The following FHL5 variants were observed in gnomAD, a reference collection of about 807,000 sequenced individuals.
The protein encoded by FHL5 is four and a half LIM domains protein 5.
Under a neutral mutation model 32.0 loss-of-function variants are expected in FHL5, and 33 were observed. The ratio of observed to expected loss-of-function variants is 1.03; its 90% CI spans 0.78 to 1.38. The LOEUF is 1.38. Ranked by LOEUF, FHL5 falls within the 40% of genes most tolerant of loss-of-function variation. FHL5 has a pLI of 0.00. For synonymous variants in FHL5, 114 were observed against 113.6 expected, an observed-to-expected ratio of 1.00 and a Z score of -0.02; for missense variants, 336 against 343.9, an observed-to-expected ratio of 0.98 and a Z score of 0.18.
At chr6:96,613,974 C>T (rs1485235944) in intron 5 of FHL5, among the ~76,000 whole-genome samples, 3 of 152,124 alleles carry the variant, frequency 2.0e-5, no homozygotes. Flanking sequence ...ACCTATGAAA[C>T]CAGATAACAC....
chr6:96,586,113 C>G (rs140614351), intron 1 of FHL5, among the ~76,000 whole-genome samples: 19 of 152,278 alleles, frequency 1.2e-4, no homozygotes, highest in Admixed American at 4.6e-4. Context: ...CACTCATCTG[C>G]TCAATTCACA....
At chr6:96,588,422 C>T (rs971431289) in intron 1 of FHL5, among the ~76,000 whole-genome samples, 2 of 152,142 alleles carry the variant, frequency 1.3e-5, no homozygotes, top group African/African-American at 4.8e-5. Flanking sequence ...GTTGGTCAGG[C>T]TGGTCCTGAC....
chr6:96,603,396 G>C (rs1248818875), intron 1 of FHL5, among the ~76,000 whole-genome samples: 3 of 151,830 alleles, frequency 2.0e-5, no homozygotes, highest in Non-Finnish European at 4.4e-5. Context: ...AAACATACAG[G>C]GAACTGCCAA....
At chr6:96,570,351 A>G (rs1328561954) in intron 1 of FHL5, among the ~76,000 whole-genome samples, 3 of 152,040 alleles carry the variant, frequency 2.0e-5, no homozygotes, top group African/African-American at 7.2e-5. Flanking sequence ...TTACTAGTCT[A>G]ATGCAGTTCT....
intron 1 of FHL5, among the ~76,000 whole-genome samples, chr6:96,571,763 C>T (rs1034559130): frequency 1.3e-5 from 2 of 152,116 alleles, no homozygotes; most frequent in African/African-American, 4.8e-5. Flanking sequence ...CAGGGTATGG[C>T]TGCAATTCAG....
rs1771375070 is a variant in FHL5 at position 96,610,463 on chromosome 6, C to CT, written c.505-104dup. 6.2e-5 allele frequency: 47 copies of CT among 757,420 alleles called. 1 individual carries two copies. In the South Asian group the frequency reaches 1.0e-3, roughly 16 times the overall value. 46.9% of individuals were successfully genotyped at this position (757,420 alleles called of 1,614,324 possible). On this transcript the variant is annotated intron_variant, in intron 4 of 5. Coordinates refer to ENST00000450218, the MANE Select transcript of FHL5 (RefSeq NM_001322466.2). ...AGACATGAAATGATCTTTTTTTTTT[C>CT]TTTTTGCTTCCTTTTCTCCCCAGAG...
intron 1 of FHL5, among the ~76,000 whole-genome samples, chr6:96,586,205 C>T (rs1770794286): frequency 6.6e-6 from 1 of 152,092 alleles, no homozygotes; most frequent in African/African-American, 2.4e-5. Flanking sequence ...AAAAATAATC[C>T]AAATGGATGT....
intron 5 of FHL5, among the ~76,000 whole-genome samples, chr6:96,613,296 G>C (rs61004809): frequency 0.028 from 4,244 of 152,240 alleles, 170 homozygotes; most frequent in African/African-American, 0.098. Flanking sequence ...AAATCACCAA[G>C]TGTAATTTTT....
intron 5 of FHL5, among the ~76,000 whole-genome samples, chr6:96,611,534 C>T (rs1356131384): frequency 6.6e-6 from 1 of 152,170 alleles, no homozygotes; most frequent in Non-Finnish European, 1.5e-5. Flanking sequence ...AACTCAGCAG[C>T]TATTCTTTCT....
chr6:96,587,641 C>T (rs898686782), intron 1 of FHL5, among the ~76,000 whole-genome samples: 1 of 152,204 alleles, frequency 6.6e-6, no homozygotes, highest in South Asian at 2.1e-4. Context: ...AAGAAAACAT[C>T]CCCTTTATAT....
At chr6:96,602,422 G>GTTTTTTTTTT in intron 1 of FHL5, among the ~76,000 whole-genome samples, 1 of 26,584 alleles carries the variant, frequency 3.8e-5, no homozygotes, top group Non-Finnish European at 8.2e-5. Context: ...TATATGCGTT[G>GTTTTTTTTTT]TTTCTTTTTT....
intron 1 of FHL5, among the ~76,000 whole-genome samples, chr6:96,584,813 T>C (rs940966335): frequency 6.6e-6 from 1 of 152,126 alleles, no homozygotes; most frequent in East Asian, 1.9e-4. Flanking sequence ...CCACCAGATA[T>C]GTGAGGAAAG....
rs115758360 is a variant in FHL5, at chr6:96,569,305, T to C, written c.-13+5950T>C. 7.9e-3 allele frequency among the ~76,000 whole-genome samples: 1,206 copies of C among 152,062 alleles called. 18 individuals are homozygous for C. Among genetic ancestry groups the C allele is most frequent in the African/African-American group, 0.028 (1,154 of 41,546 alleles). On this transcript the variant is annotated intron_variant, in intron 1 of 5. Transcript: ENST00000450218. The stretch of plus-strand genomic sequence containing the variant: ...GTTTTATTATATTGTGGTCAAAAAT[T>C]GATATGATTTCTATTAAATTTGTTA...
intron 4 of FHL5, 140 bp downstream of exon 4, chr6:96,606,211 C>A: frequency 1.6e-6 from 1 of 608,258 alleles, no homozygotes; most frequent in Non-Finnish European, 2.8e-6. Context: ...TCAACATGTC[C>A]AAACCACTAG....
chr6:96,602,422 G>GTTTTTTTTT (rs1562062430), intron 1 of FHL5, among the ~76,000 whole-genome samples: 1 of 26,584 alleles, frequency 3.8e-5, no homozygotes. Context: ...TATATGCGTT[G>GTTTTTTTTT]TTTCTTTTTT....
At chr6:96,580,718 A>C (rs1375520150) in intron 1 of FHL5, among the ~76,000 whole-genome samples, 1 of 152,208 alleles carries the variant, frequency 6.6e-6, no homozygotes, top group African/African-American at 2.4e-5. Flanking sequence ...ATAATCTCAG[A>C]AAAGAATTAT....
chr6:96,592,258 G>T (rs1167081422), intron 1 of FHL5, among the ~76,000 whole-genome samples: 1 of 152,096 alleles, frequency 6.6e-6, no homozygotes. Flanking sequence ...CATTGTAGAG[G>T]CCCACCCTCA....
At chr6:96,568,255 TTTG>T (rs1447892020) in intron 1 of FHL5, among the ~76,000 whole-genome samples, 1 of 151,924 alleles carries the variant, frequency 6.6e-6, no homozygotes, top group Non-Finnish European at 1.5e-5. Context: ...TGCCCTTCAT[TTTG>T]TTGATGTAAT....
rs768699382 is a variant in FHL5 at position 96,605,893 on chromosome 6, G to A, written c.335-9G>A. On this transcript the variant is annotated splice_polypyrimidine_tract_variant and intron_variant, in intron 3 of 5. Transcript: ENST00000450218. ...CTTATACTAACATGGCCTTACTTTT[G>A]GAGTACAGGTTCCCGCAAAATGGAA... 4.3e-6 allele frequency: 7 copies of A among 1,611,848 alleles called. No homozygotes were observed. Among genetic ancestry groups the A allele is most frequent in the Non-Finnish European group, 5.9e-6 (7 of 1,178,874 alleles).
Sources: allele counts gnomAD v4.1 joint callset (sites outside exome capture counted in the v4.1 genomes callset), GRCh38; gene constraint gnomAD v4.1.1; transcripts MANE v1.5; gene names NCBI Gene and HGNC (gene_info 2026-07-23, HGNC 2026-07-21).